DAZAP1: variants seen among roughly 807,000 people sequenced by gnomAD.
DAZAP1 encodes DAZ-associated protein 1.
A neutral mutation model predicts 60.1 loss-of-function variants in DAZAP1; 6 were observed. That is an observed-to-expected ratio of 0.10 (90% CI 0.05 to 0.20). The LOEUF (loss-of-function observed/expected upper bound fraction) is 0.20. DAZAP1 is among the 10% of genes least tolerant of loss of function. The probability of loss-of-function intolerance (pLI) is 1.00; values close to 1 mark genes in which losing one functional copy is unlikely to be tolerated. For missense variants in DAZAP1, 366 were observed against 560.4 expected (o/e 0.65, Z 3.50); for synonymous variants, 235 against 215.9 (o/e 1.09, Z -0.78).
rs117143426 is a variant in DAZAP1 at position 1,413,188 on chromosome 19, C to T, written c.30-4312C>T. 1.7e-3 allele frequency among the ~76,000 whole-genome samples: 266 copies of T among 152,356 alleles called. 3 individuals carry two copies. In the East Asian group the frequency reaches 0.037, roughly 21 times the overall value. On this transcript the variant is annotated intron_variant, in intron 1 of 11. Transcript: ENST00000233078. ...GAGCAAGCCTGGAGCTGAGGACAAGCGGACCGCCAGCCCCGTAGCAAGCCC... is the reference window on the plus strand; with the variant it reads ...GAGCAAGCCTGGAGCTGAGGACAAGTGGACCGCCAGCCCCGTAGCAAGCCC...
chr19:1,433,567 C>G lies in DAZAP1; in HGVS notation c.1048+877C>G, dbSNP rs1052404104. On this transcript the variant is annotated intron_variant, in intron 11 of 11. Coordinates refer to ENST00000233078, the MANE Select transcript of DAZAP1 (RefSeq NM_018959.4). This position sits in a 1 kb window ranked among gnomAD's most constrained non-coding sequence, Gnocchi z 6.1. ...GGTTCCCCTGCCCCCACGCCCAGGC[C>G]TTGGGCCGAGGTTGCCGCATGTGTG... The G allele has an allele frequency of 3.3e-6, 2 of 598,266 alleles. No homozygotes were observed. Among genetic ancestry groups the G allele is most frequent in the Admixed American group, 2.9e-5 (1 of 34,030 alleles). The allele number at this position is 598,266 out of a possible 1,614,324, so 37.1% of individuals were successfully genotyped here.
intron 10 of DAZAP1, among the ~76,000 whole-genome samples, chr19:1,430,921 C>T (rs2083434452): frequency 6.6e-6 from 1 of 151,020 alleles, no homozygotes; most frequent in South Asian, 2.1e-4. Flanking sequence ...CGGGGTTTCA[C>T]CATGTTAGCC....
intron 8 of DAZAP1, among the ~76,000 whole-genome samples, chr19:1,429,276 G>A (rs960656985): frequency 3.9e-5 from 6 of 152,234 alleles, no homozygotes; most frequent in Admixed American, 2.0e-4. Flanking sequence ...TGCACCTCGC[G>A]ACCGTGTGCC....
At chr19:1,429,685 C>T (rs2083393917) in intron 8 of DAZAP1, among the ~76,000 whole-genome samples, 1 of 152,212 alleles carries the variant, frequency 6.6e-6, no homozygotes, top group African/African-American at 2.4e-5. Flanking sequence ...CTCTGGGGTC[C>T]TCAGGTGGAG....
In DAZAP1 at chr19:1,417,675, A is replaced by C. The variant is rs1441639380; in HGVS notation, c.70+135A>C. ...TTTGACGTTGTTCTGATTTCTGGGC[A>C]GGGGACAGAGTAAGTGTGTATTTGC... On this transcript the variant is annotated intron_variant, in intron 2 of 11. Transcript: ENST00000233078. 1.7e-5 allele frequency: 14 copies of C among 820,090 alleles called. No homozygotes were observed. In the Admixed American group the frequency reaches 3.7e-4, roughly 21 times the overall value. The allele number at this position is 820,090 out of a possible 1,614,324, so 50.8% of individuals were successfully genotyped here. A position where few individuals can be genotyped will look rare whatever the true frequency, so the allele number is the denominator to read the frequency against.
In DAZAP1 at chr19:1,418,584, C is replaced by T. The variant is rs532335517; in HGVS notation, c.238-82C>T. ...GGCGGGGCGGGCCGGGCTGCTGTGC[C>T]GTGGCTGCTGTTGTGCTGACACCCT... On this transcript the variant is annotated intron_variant, in intron 3 of 11. Coordinates refer to ENST00000233078, the MANE Select transcript of DAZAP1 (RefSeq NM_018959.4). This position sits in a 1 kb window ranked among gnomAD's most constrained non-coding sequence, Gnocchi z 5.7. 141 of 1,561,774 alleles carry T rather than the reference C, an allele frequency of 9.0e-5. 1 individual carries two copies. In the Admixed American group the frequency reaches 9.9e-4, roughly 11 times the overall value.
chr19:1,433,993 C>T lies in DAZAP1; in HGVS notation c.1049-744C>T. On this transcript the variant is annotated intron_variant, in intron 11 of 11. Transcript: ENST00000233078. The surrounding 1 kb of genome is among the most constrained non-coding windows in gnomAD (Gnocchi z 6.1). The stretch of plus-strand genomic sequence containing the variant: ...CACAAGCCTTCAGCGGGCCCAGGAT[C>T]CCCCAGAGAGAGCCCACGCCCACCT... The T allele has an allele frequency of 1.5e-6, 1 of 645,188 alleles. No individual in the cohort carries two copies. Among genetic ancestry groups the T allele is most frequent in the Non-Finnish European group, 2.7e-6 (1 of 375,162 alleles). The allele number at this position is 645,188 out of a possible 1,614,324, so 40.0% of individuals were successfully genotyped here.
intron 1 of DAZAP1, among the ~76,000 whole-genome samples, chr19:1,409,186 G>T (rs1055619370): frequency 2.6e-5 from 4 of 152,256 alleles, no homozygotes; most frequent in Non-Finnish European, 5.9e-5. Context: ...GGGTCCGTGT[G>T]CCTGTGTGAG....
rs960702846 is a variant in DAZAP1 at position 1,428,709 on chromosome 19, G to A, written c.547-133G>A. On this transcript the variant is annotated intron_variant, in intron 7 of 11. Coordinates refer to ENST00000233078, the MANE Select transcript of DAZAP1 (RefSeq NM_018959.4). The surrounding 1 kb of genome is among the most constrained non-coding windows in gnomAD (Gnocchi z 4.0). ...AAAAAAATGCTACTGGCCTAAATAA[G>A]GTTTATAGTTAAGTATTTAGTCTTA... 6 of 1,098,938 alleles carry A rather than the reference G, an allele frequency of 5.5e-6. No individual in the cohort carries two copies. Among genetic ancestry groups the A allele is most frequent in the African/African-American group, 1.6e-5 (1 of 62,222 alleles). 68.1% of individuals were successfully genotyped at this position (1,098,938 alleles called of 1,614,324 possible).
In DAZAP1 at chr19:1,418,989, TCCCTCTGTGCCCTGTGTG is replaced by T. The variant is rs1447924758; in HGVS notation, c.303+270_303+287del. 1.3e-5 allele frequency among the ~76,000 whole-genome samples: 2 copies of T among 151,778 alleles called. No individual in the cohort carries two copies. The highest frequency in any genetic ancestry group is 2.0e-4 in the East Asian group (1 of 5,106). ...ACTGATTATCAGGAGCCAGTCAGCT[TCCCTCTGTGCCCTGTGTG>T]CCCTCTGTGCCGGGCCTGCCCCCTC... On this transcript the variant is annotated intron_variant, in intron 4 of 11. Transcript: ENST00000233078. This position sits in a 1 kb window ranked among gnomAD's most constrained non-coding sequence, Gnocchi z 5.7.
chr19:1,418,152 G>A lies in DAZAP1; in HGVS notation c.71-52G>A, dbSNP rs1165559152. On this transcript the variant is annotated intron_variant, in intron 2 of 11. Transcript: ENST00000233078. The surrounding 1 kb of genome is among the most constrained non-coding windows in gnomAD (Gnocchi z 5.7). ...GTGCCGGCAGCACTGCCAGGCACGT[G>A]CCTAATGCTCTGGCCCTGTGTGTTT... is the stretch of plus-strand genomic sequence containing the variant. 2 of 1,598,718 alleles carry A rather than the reference G, an allele frequency of 1.3e-6. No individual in the cohort carries two copies. The highest frequency in any genetic ancestry group is 1.7e-6 in the Non-Finnish European group (2 of 1,167,928).
At position 1,432,646 on chromosome 19, in the gene DAZAP1, G is replaced by C. The variant is rs377589620; in HGVS notation, c.1004G>C (p.Ser335Thr). Residue 335 changes from serine to threonine, a missense_variant, in exon 11 of 12, where the codon AGC (serine) becomes ACC (threonine). Transcript: ENST00000233078. The surrounding 1 kb of genome is among the most constrained non-coding windows in gnomAD (Gnocchi z 4.9). The stretch of plus-strand genomic sequence containing the variant: ...CCGTCTCAGGCTGCCCCGGACATGA[G>C]CAAGCCCCCGACAGCTCAGCCAGAC... ...PPPSQAAPDM[S>T]KPPTAQPDFP... The C allele has an allele frequency of 6.2e-7, 1 of 1,612,842 alleles. No individual in the cohort carries two copies.
In DAZAP1 at chr19:1,432,432, G is replaced by C. The variant is rs575496532; in HGVS notation, c.872-82G>C. 111 of 1,481,826 alleles carry C rather than the reference G, an allele frequency of 7.5e-5. No individual in the cohort carries two copies. The African/African-American group carries it at 1.5e-3, about 20-fold the overall frequency. The allele number at this position is 1,481,826 out of a possible 1,614,324, so 91.8% of individuals were successfully genotyped here. ...TGGCAGTCCCGTCTGGGCAGCTCCT[G>C]CTGGGCTGGGTGTGGGTCTCCTGCT... On this transcript the variant is annotated intron_variant, in intron 10 of 11. Coordinates refer to ENST00000233078, the MANE Select transcript of DAZAP1 (RefSeq NM_018959.4). The surrounding 1 kb of genome is among the most constrained non-coding windows in gnomAD (Gnocchi z 4.9).
chr19:1,412,070 C>A (rs1051507105), intron 1 of DAZAP1, among the ~76,000 whole-genome samples: 49 of 152,302 alleles, frequency 3.2e-4, no homozygotes, highest in African/African-American at 1.2e-3. Context: ...GAGGGCGGGG[C>A]TGGCAGGGAG....
chr19:1,411,917 C>T (rs1295951073), intron 1 of DAZAP1, among the ~76,000 whole-genome samples: 1 of 152,250 alleles, frequency 6.6e-6, no homozygotes, highest in Non-Finnish European at 1.5e-5. Flanking sequence ...CAGGCCTGGT[C>T]CCCGTGACAC....
At position 1,422,189 on chromosome 19, in the gene DAZAP1, C is replaced by A. The variant is rs995979128; in HGVS notation, c.415-159C>A. On this transcript the variant is annotated intron_variant, in intron 5 of 11. Coordinates refer to ENST00000233078, the MANE Select transcript of DAZAP1 (RefSeq NM_018959.4). This position sits in a 1 kb window ranked among gnomAD's most constrained non-coding sequence, Gnocchi z 4.5. ...TGTTGGGGCTCCAGCCTTTCTCAGA[C>A]AGCAGCCCCACGGAGCAGCTGTTGC... is the stretch of plus-strand genomic sequence containing the variant. Among the ~76,000 whole-genome samples, 6 of 152,234 alleles carry A rather than the reference C, an allele frequency of 3.9e-5. No homozygotes were observed. Among genetic ancestry groups the A allele is most frequent in the Admixed American group, 3.9e-4 (6 of 15,294 alleles).
chr19:1,420,356 C>T (rs1263247619), intron 4 of DAZAP1, among the ~76,000 whole-genome samples: 3 of 147,772 alleles, frequency 2.0e-5, no homozygotes, highest in Non-Finnish European at 4.5e-5. Flanking sequence ...CGGCGGCGAG[C>T]ACTCACCCCA....
At chr19:1,408,106 C>G (rs984615671) in intron 1 of DAZAP1, among the ~76,000 whole-genome samples, 19 of 151,546 alleles carry the variant, frequency 1.3e-4, no homozygotes, top group African/African-American at 4.1e-4. Flanking sequence ...CGGGGGAACC[C>G]CGAACGGCAA....
At chr19:1,408,350 G>C (rs1290710628) in intron 1 of DAZAP1, among the ~76,000 whole-genome samples, 1 of 149,840 alleles carries the variant, frequency 6.7e-6, no homozygotes, top group Non-Finnish European at 1.5e-5. Context: ...CCAGGGCGCC[G>C]TCGCCGCCGC....
Sources: allele counts gnomAD v4.1 joint callset (sites outside exome capture counted in the v4.1 genomes callset), GRCh38; gene constraint gnomAD v4.1.1; non-coding constraint Gnocchi (gnomAD v3.1); transcripts MANE v1.5; gene names NCBI Gene and HGNC (gene_info 2026-07-23, HGNC 2026-07-21).